The following CXCL13 variants were observed in gnomAD, a reference collection of about 807,000 sequenced individuals.
CXCL13 encodes the protein C-X-C motif chemokine ligand 13.
In CXCL13, 7 loss-of-function variants were observed where a neutral mutation model predicts 12.2. The observed-to-expected ratio is 0.57, with a 90% CI of 0.33 to 1.07. The LOEUF is 1.07. Among genes scored for constraint, CXCL13 ranks in the 50% least tolerant of loss-of-function variants. CXCL13 has a pLI of 0.04. For synonymous variants in CXCL13, 47 were observed against 42.4 expected (o/e 1.11, Z -0.42); for missense variants, 113 against 127.4 (o/e 0.89, Z 0.55).
intron 1 of CXCL13, among the ~76,000 whole-genome samples, chr4:77,588,064 G>A (rs1176932955): frequency 1.3e-5 from 2 of 152,158 alleles, no homozygotes; most frequent in Non-Finnish European, 2.9e-5. Context: ...CAGTATCCAT[G>A]GCCAAGGGGA....
intron 1 of CXCL13, among the ~76,000 whole-genome samples, chr4:77,540,873 C>T (rs775974306): frequency 6.6e-6 from 1 of 152,188 alleles, no homozygotes; most frequent in Non-Finnish European, 1.5e-5. Flanking sequence ...TACATTCCCA[C>T]CAACAGTGTA....
chr4:77,575,177 A>G (rs1257780155), intron 1 of CXCL13, among the ~76,000 whole-genome samples: 1 of 151,970 alleles, frequency 6.6e-6, no homozygotes, highest in African/African-American at 2.4e-5. Context: ...AAAATTTGTA[A>G]AGGGTTATAA....
intron 1 of CXCL13, among the ~76,000 whole-genome samples, chr4:77,540,554 G>A: frequency 6.6e-6 from 1 of 152,088 alleles, no homozygotes; most frequent in East Asian, 1.9e-4. Flanking sequence ...AATCTACTTA[G>A]GATAATGGCC....
chr4:77,560,651 G>C (rs1673107574), intron 1 of CXCL13, among the ~76,000 whole-genome samples: 1 of 152,246 alleles, frequency 6.6e-6, no homozygotes, highest in Non-Finnish European at 1.5e-5. Flanking sequence ...TTTCCCACCA[G>C]TGAGAAGGAT....
At chr4:77,514,140 A>AT (rs1367279169) in intron 1 of CXCL13, among the ~76,000 whole-genome samples, 1 of 151,748 alleles carries the variant, frequency 6.6e-6, no homozygotes, top group African/African-American at 2.4e-5. Context: ...TGAACTCATC[A>AT]TTTTTTATGG....
chr4:77,557,600 C>T (rs758740014), intron 1 of CXCL13, among the ~76,000 whole-genome samples: 14 of 152,204 alleles, frequency 9.2e-5, no homozygotes, highest in African/African-American at 3.4e-4. Flanking sequence ...TTTGTCCTTG[C>T]ATTAAGATAA....
chr4:77,529,944 C>A (rs1020173536), intron 1 of CXCL13, among the ~76,000 whole-genome samples: 1 of 152,164 alleles, frequency 6.6e-6, no homozygotes, highest in East Asian at 1.9e-4. Context: ...TTTTGAGATA[C>A]GCTCCATCAA....
chr4:77,583,099 C>T (rs1204748179), intron 1 of CXCL13, among the ~76,000 whole-genome samples: 1 of 152,134 alleles, frequency 6.6e-6, no homozygotes, highest in African/African-American at 2.4e-5. Flanking sequence ...TGACATGTGC[C>T]CTCCTCAGCT....
At chr4:77,530,396 C>T (rs752284833) in intron 1 of CXCL13, among the ~76,000 whole-genome samples, 20 of 152,090 alleles carry the variant, frequency 1.3e-4, no homozygotes, top group Non-Finnish European at 2.6e-4. Flanking sequence ...GCTGTGAATC[C>T]ATCTGGTCCT....
intron 1 of CXCL13, among the ~76,000 whole-genome samples, chr4:77,524,166 C>T (rs1724699237): frequency 1.3e-5 from 2 of 152,202 alleles, no homozygotes; most frequent in South Asian, 4.1e-4. Context: ...AGATGTCTCC[C>T]AGTTAGGCTA....
chr4:77,538,918 G>A (rs896724671), intron 1 of CXCL13, among the ~76,000 whole-genome samples: 2 of 152,154 alleles, frequency 1.3e-5, no homozygotes, highest in African/African-American at 2.4e-5. Flanking sequence ...GAATTTGAGG[G>A]GCATAAGGCA....
rs559030454 is a variant in CXCL13, at chr4:77,570,816, C to T, written c.-42-35008C>T. ...AGGGGCTTAGCACCCGGGCCAGCAG[C>T]TGCAGAGGGTGTACTGGATCCCCAA... On this transcript the variant is annotated intron_variant, in intron 1 of 4. Coordinates refer to the CXCL13 transcript ENST00000286758. Among the ~76,000 whole-genome samples the T allele has an allele frequency of 2.4e-3, 366 of 149,982 alleles. 16 individuals carry two copies. Among genetic ancestry groups the T allele is most frequent in the African/African-American group, 9.0e-3 (353 of 39,364 alleles).
intron 1 of CXCL13, among the ~76,000 whole-genome samples, chr4:77,549,902 A>G (rs1381414025): frequency 6.6e-6 from 1 of 152,236 alleles, no homozygotes; most frequent in Admixed American, 6.5e-5. Context: ...TTAAGTCTGC[A>G]GAAGTTTCTG....
chr4:77,538,826 G>C (rs1443485192), intron 1 of CXCL13, among the ~76,000 whole-genome samples: 1 of 152,152 alleles, frequency 6.6e-6, no homozygotes, highest in South Asian at 2.1e-4. Context: ...AGTTATCCAA[G>C]TCACATGGCA....
At chr4:77,601,826 C>T (rs191450167), upstream of CXCL13, among the ~76,000 whole-genome samples, 1 of 152,322 alleles carries the variant, frequency 6.6e-6, no homozygotes, top group East Asian at 1.9e-4. Context: ...GTTACTGATA[C>T]TGGTGGCCTG....
At chr4:77,555,760 T>C (rs749295560) in intron 1 of CXCL13, among the ~76,000 whole-genome samples, 1 of 152,134 alleles carries the variant, frequency 6.6e-6, no homozygotes, top group Non-Finnish European at 1.5e-5. Context: ...CCAGAATATA[T>C]AAAGAACATT....
At position 77,607,804 on chromosome 4, in the gene CXCL13, C is replaced by T. The variant is rs150188610; in HGVS notation, c.166C>T (p.Arg56Cys). 9.9e-6 allele frequency: 16 copies of T among 1,613,922 alleles called. No individual in the cohort carries two copies. In the Middle Eastern group the frequency reaches 5.0e-4, roughly 50 times the overall value. ...RFIDRIQILP[R>C]GNGCPRKEII... ...CATTGATCGAATTCAAATCTTGCCC[C>T]GTGGGAATGGTTGTCCAAGAAAAGA... is the stretch of plus-strand genomic sequence containing the variant. The change falls in exon 2 of 4, where the codon CGT becomes TGT. Residue 56 changes from arginine to cysteine, a missense_variant. Physicochemically the swap from Arg to Cys is radical, Grantham distance 180 (BLOSUM62 -3). Transcript: ENST00000682537.
At chr4:77,566,210 T>C (rs192952544) in intron 1 of CXCL13, among the ~76,000 whole-genome samples, 1 of 152,334 alleles carries the variant, frequency 6.6e-6, no homozygotes, top group East Asian at 1.9e-4. Context: ...CTTCAGCAAA[T>C]GGCCTTATGG....
intron 1 of CXCL13, among the ~76,000 whole-genome samples, chr4:77,557,412 A>C (rs890401676): frequency 6.6e-6 from 1 of 152,190 alleles, no homozygotes; most frequent in Non-Finnish European, 1.5e-5. Flanking sequence ...TGGACAATGG[A>C]TCATGACTAT....
Sources: gnomAD v4.1 joint callset for allele counts (sites outside exome capture counted in the v4.1 genomes callset) on GRCh38, gnomAD v4.1.1 for gene constraint, MANE v1.5 for transcripts, NCBI Gene and HGNC (gene_info 2026-07-23, HGNC 2026-07-21) for gene names.